The following IL1RAP variants were observed in gnomAD, a reference collection of about 807,000 sequenced individuals.
The protein encoded by IL1RAP is interleukin-1 receptor accessory protein.
A neutral mutation model predicts 60.7 loss-of-function variants in IL1RAP; 35 were observed. That is an observed-to-expected ratio of 0.58 (90% CI 0.44 to 0.76). The LOEUF is 0.76. Ranked by LOEUF, IL1RAP falls within the 30% of genes least tolerant of loss-of-function variation. IL1RAP has a pLI of 0.00. For synonymous variants in IL1RAP, 268 were observed against 250.9 expected, an observed-to-expected ratio of 1.07 and a Z score of -0.64; for missense variants, 572 against 693.9, an observed-to-expected ratio of 0.82 and a Z score of 1.97.
chr3:190,623,989 T>G (rs1374071369), intron 7 of IL1RAP, among the ~76,000 whole-genome samples: 2 of 152,228 alleles, frequency 1.3e-5, no homozygotes, highest in Non-Finnish European at 2.9e-5. Context: ...CCTCCCACAG[T>G]TAAGTGAACA....
rs145443628 is a variant in IL1RAP, at chr3:190,582,927, C to T, written c.64+18574C>T. ...AGATTCTTCAGGAACTTCACATGTA[C>T]TATTCCCTTTCTCACCTAAGTTCTT... is the stretch of plus-strand genomic sequence containing the variant. On this transcript the variant is annotated intron_variant, in intron 3 of 11. Coordinates refer to ENST00000447382, the MANE Select transcript of IL1RAP (RefSeq NM_002182.4). Among the ~76,000 whole-genome samples, 538 of 152,284 alleles carry T rather than the reference C, an allele frequency of 3.5e-3. 2 individuals are homozygous for T. The highest frequency in any genetic ancestry group is 0.013 in the African/African-American group (521 of 41,548).
chr3:190,651,101 A>G lies in IL1RAP; in HGVS notation c.*2396A>G, dbSNP rs536194003. 6.3e-4 allele frequency: 617 copies of G among 985,160 alleles called. No individual in the cohort carries two copies. Among genetic ancestry groups the G allele is most frequent in the Non-Finnish European group, 6.9e-4 (574 of 829,710 alleles). 61.0% of individuals were successfully genotyped at this position (985,160 alleles called of 1,614,324 possible). ...TTTTTAATGTTCCAGAAGATGGCCA[A>G]TAGAGAACATTCAAGGGAAATGGGG... On this transcript the variant is annotated 3_prime_UTR_variant, in exon 12 of 12. Transcript: ENST00000447382.
At chr3:190,604,969 C>T (rs1730177602) in intron 4 of IL1RAP, among the ~76,000 whole-genome samples, 1 of 152,164 alleles carries the variant, frequency 6.6e-6, no homozygotes, top group African/African-American at 2.4e-5. Context: ...AGACACTGCA[C>T]ATCTAGCCCC....
At chr3:190,578,901 C>G (rs988917252) in intron 3 of IL1RAP, among the ~76,000 whole-genome samples, 1 of 152,194 alleles carries the variant, frequency 6.6e-6, no homozygotes, top group Non-Finnish European at 1.5e-5. Context: ...GAAAAACCCG[C>G]ACCTGTGATT....
intron 3 of IL1RAP, among the ~76,000 whole-genome samples, chr3:190,569,567 G>A (rs896939101): frequency 1.3e-5 from 2 of 149,050 alleles, no homozygotes; most frequent in African/African-American, 4.9e-5. Context: ...GATGCCTCTC[G>A]GAAGCAGATC....
At chr3:190,615,281 A>G (rs1731167794) in intron 5 of IL1RAP, 6 of 1,255,994 alleles carry the variant, frequency 4.8e-6, no homozygotes, top group Non-Finnish European at 6.3e-6. Flanking sequence ...TCTGAAATAT[A>G]CCATGTGTAT....
chr3:190,648,044 AGTGTT>A (rs1734160827), intron 11 of IL1RAP, among the ~76,000 whole-genome samples: 1 of 152,138 alleles, frequency 6.6e-6, no homozygotes, highest in Non-Finnish European at 1.5e-5. Context: ...TTGTGTCTCA[AGTGTT>A]GTTTTTGAAG....
chr3:190,639,567 T>C (rs961344218), intron 9 of IL1RAP, among the ~76,000 whole-genome samples: 6 of 152,234 alleles, frequency 3.9e-5, no homozygotes, highest in African/African-American at 1.4e-4. Flanking sequence ...GGTGTTTATC[T>C]GATAATTCCA....
intron 9 of IL1RAP, among the ~76,000 whole-genome samples, chr3:190,637,989 T>C (rs191779970): frequency 6.6e-6 from 1 of 152,238 alleles, no homozygotes; most frequent in Non-Finnish European, 1.5e-5. Flanking sequence ...GGAGTGGTTT[T>C]GTTTTGTTTT....
chr3:190,548,761 C>T (rs1049884196), intron 1 of IL1RAP, among the ~76,000 whole-genome samples: 2 of 152,178 alleles, frequency 1.3e-5, no homozygotes, highest in African/African-American at 4.8e-5. Flanking sequence ...GGAGAAGCTG[C>T]AGAAGGGACC....
At chr3:190,559,020 T>C (rs1224337367) in intron 2 of IL1RAP, among the ~76,000 whole-genome samples, 1 of 152,208 alleles carries the variant, frequency 6.6e-6, no homozygotes, top group East Asian at 1.9e-4. Context: ...AGCAGTATTG[T>C]GTTCCTTTCT....
downstream of IL1RAP, among the ~76,000 whole-genome samples, chr3:190,653,858 A>T (rs115721312): frequency 0.01 from 1,587 of 152,294 alleles, 30 homozygotes; most frequent in African/African-American, 0.037. Context: ...AAGGTATTTT[A>T]AAAATATGCA....
chr3:190,644,256 C>G lies in IL1RAP; in HGVS notation c.1060C>G (p.Pro354Ala), dbSNP rs1404724797. Residue 354 changes from proline to alanine, a missense_variant, in exon 10 of 12, where the codon CCA (proline) becomes GCA (alanine). Transcript: ENST00000447382. ...AAKVKQKVPAPRYTVELACGF... is the reference protein window; with the variant it reads ...AAKVKQKVPAARYTVELACGF... ...TTTGTTGTTCATTCCAGTGCCAGCT[C>G]CAAGATACACAGTGGAACTGGCTTG... 6.2e-7 allele frequency: 1 copy of G among 1,612,806 alleles called. No individual in the cohort carries two copies. The highest frequency in any genetic ancestry group is 1.1e-5 in the South Asian group (1 of 90,824).
intron 9 of IL1RAP, among the ~76,000 whole-genome samples, chr3:190,634,583 T>C (rs1733046449): frequency 6.6e-6 from 1 of 152,198 alleles, no homozygotes; most frequent in Non-Finnish European, 1.5e-5. Flanking sequence ...GTGAGGGTTA[T>C]GCTGGTCTCA....
downstream of IL1RAP, chr3:190,656,421 G>A: frequency 1.3e-6 from 2 of 1,537,224 alleles, no homozygotes; most frequent in South Asian, 1.2e-5. Context: ...TTAGGAACAA[G>A]AGCCGGGCAG....
At chr3:190,604,039 C>A in intron 3 of IL1RAP, 89 bp from the exon 4 acceptor site, 1 of 1,301,532 alleles carries the variant, frequency 7.7e-7, no homozygotes, top group South Asian at 1.5e-5. Context: ...TGGAAAAGAC[C>A]GGGTGAACTG....
At position 190,645,861 on chromosome 3, in the gene IL1RAP, T is replaced by G. The variant is rs1175547603; in HGVS notation, c.1345+19T>G. 6 of 1,601,158 alleles carry G rather than the reference T, an allele frequency of 3.7e-6. No individual in the cohort carries two copies. The highest frequency in any genetic ancestry group is 8.5e-7 in the Non-Finnish European group (1 of 1,172,162). ...GGGGGAAGTAGGTATTTCAGAGGAG[T>G]ACAAATGATGCTACCTTGAAAGGCA... is the stretch of plus-strand genomic sequence containing the variant. On this transcript the variant is annotated intron_variant, in intron 11 of 11. Coordinates refer to ENST00000447382, the MANE Select transcript of IL1RAP (RefSeq NM_002182.4).
chr3:190,582,152 G>A (rs1451165273), intron 3 of IL1RAP, among the ~76,000 whole-genome samples: 5 of 152,078 alleles, frequency 3.3e-5, no homozygotes, highest in African/African-American at 1.2e-4. Flanking sequence ...CTAGCATTCT[G>A]TAGTTTGAGA....
At chr3:190,602,124 C>G (rs947111870) in intron 3 of IL1RAP, among the ~76,000 whole-genome samples, 3 of 152,134 alleles carry the variant, frequency 2.0e-5, no homozygotes, top group African/African-American at 7.2e-5. Flanking sequence ...TTTGCTGACT[C>G]TGTATTCCAG....
Sources: gnomAD v4.1 joint callset for allele counts (sites outside exome capture counted in the v4.1 genomes callset) on GRCh38, gnomAD v4.1.1 for gene constraint, MANE v1.5 for transcripts, NCBI Gene and HGNC (gene_info 2026-07-23, HGNC 2026-07-21) for gene names.